The following SCYL2 variants were observed in gnomAD, a reference collection of about 807,000 sequenced individuals.
SCYL2 encodes SCY1 like pseudokinase 2.
In SCYL2, 36 loss-of-function variants were observed where a neutral mutation model predicts 100.4. The ratio of observed to expected loss-of-function variants is 0.36; its 90% CI spans 0.27 to 0.47. The LOEUF (loss-of-function observed/expected upper bound fraction) is 0.47, where lower values mean the gene tolerates loss of function less well. Among genes scored for constraint, SCYL2 ranks in the 20% least tolerant of loss-of-function variants. The probability of loss-of-function intolerance (pLI) is 1.00; values close to 1 mark genes in which losing one functional copy is unlikely to be tolerated. For missense variants in SCYL2, 902 were observed against 1,083.9 expected (o/e 0.83, Z 2.36); for synonymous variants, 330 against 359.2 (o/e 0.92, Z 0.92).
At chr12:100,311,651 T>G (rs544284205) in intron 5 of SCYL2, among the ~76,000 whole-genome samples, 5 of 152,302 alleles carry the variant, frequency 3.3e-5, no homozygotes, top group Admixed American at 3.3e-4. Flanking sequence ...ATAAGTTAAG[T>G]AGGCTCAGAG....
chr12:100,327,403 A>G (rs1235067131), intron 12 of SCYL2, among the ~76,000 whole-genome samples: 1 of 152,246 alleles, frequency 6.6e-6, no homozygotes, highest in Non-Finnish European at 1.5e-5. Flanking sequence ...TTAAAGTTAT[A>G]GAAGTCCAAT....
intron 10 of SCYL2, among the ~76,000 whole-genome samples, chr12:100,322,137 C>T (rs1327426783): frequency 2.6e-5 from 4 of 150,958 alleles, no homozygotes. Context: ...CTTTGGGAGG[C>T]CGAGGCGGGC....
At chr12:100,291,447 TA>T (rs2096310518) in intron 2 of SCYL2, 55 bp from the exon 3 acceptor site, 1 of 1,184,390 alleles carries the variant, frequency 8.4e-7, no homozygotes, top group South Asian at 1.6e-5. Context: ...GACATTCATA[TA>T]ATTTTATTAC....
At chr12:100,327,970 T>C (rs949309395) in intron 12 of SCYL2, among the ~76,000 whole-genome samples, 1 of 152,144 alleles carries the variant, frequency 6.6e-6, no homozygotes, top group Admixed American at 6.6e-5. Context: ...CATGAATCTT[T>C]TGTGCAGAAA....
At chr12:100,320,320 G>A (rs985824319) in intron 10 of SCYL2, among the ~76,000 whole-genome samples, 4 of 151,992 alleles carry the variant, frequency 2.6e-5, no homozygotes, top group African/African-American at 7.3e-5. Context: ...CAAGGCAGGC[G>A]GATCACCTGA....
intron 1 of SCYL2, among the ~76,000 whole-genome samples, chr12:100,282,526 A>C (rs1377477308): frequency 6.6e-6 from 1 of 151,828 alleles, no homozygotes; most frequent in Non-Finnish European, 1.5e-5. Flanking sequence ...GCATTTCACC[A>C]TGTTGGCCAG....
intron 10 of SCYL2, among the ~76,000 whole-genome samples, chr12:100,319,630 G>A (rs1027240010): frequency 1.3e-5 from 2 of 152,076 alleles, no homozygotes; most frequent in Admixed American, 6.5e-5. Flanking sequence ...AGCAGTTCTC[G>A]TGTCTCAGCC....
At chr12:100,304,145 T>C (rs2096331116) in intron 4 of SCYL2, among the ~76,000 whole-genome samples, 2 of 152,178 alleles carry the variant, frequency 1.3e-5, no homozygotes, top group Non-Finnish European at 2.9e-5. Flanking sequence ...TTCAGACTGC[T>C]GTGCTGGCAG....
chr12:100,317,642 G>C (rs955183295), intron 9 of SCYL2, 161 bp from the exon 10 acceptor site: 1 of 1,399,190 alleles, frequency 7.1e-7, no homozygotes, highest in Non-Finnish European at 9.3e-7. Context: ...AGAAATGTAA[G>C]AGACTTGATT....
At chr12:100,294,678 G>T (rs1250632137) in intron 3 of SCYL2, among the ~76,000 whole-genome samples, 9 of 134,334 alleles carry the variant, frequency 6.7e-5, no homozygotes, top group African/African-American at 2.1e-4. Flanking sequence ...CCCGGACGGG[G>T]TGGCTGGCCG....
At chr12:100,337,362 A>AT (rs1952291350) in intron 16 of SCYL2, 25 bp from the exon 17 acceptor site, 4 of 1,599,604 alleles carry the variant, frequency 2.5e-6, no homozygotes, top group Non-Finnish European at 2.5e-6. Context: ...TTGCCGGTTG[A>AT]TTTTTTGCTT....
At chr12:100,320,386 A>G (rs1222980340) in intron 10 of SCYL2, among the ~76,000 whole-genome samples, 1 of 151,992 alleles carries the variant, frequency 6.6e-6, no homozygotes, top group Non-Finnish European at 1.5e-5. Context: ...CTCTACTAAA[A>G]AAATACAAAA....
At chr12:100,295,441 A>G (rs569872581) in intron 3 of SCYL2, among the ~76,000 whole-genome samples, 84 of 152,298 alleles carry the variant, frequency 5.5e-4, no homozygotes, top group South Asian at 1.9e-3. Context: ...TCCGTCTGCA[A>G]TCCCGGCACC....
At position 100,291,554 on chromosome 12, in the gene SCYL2, T is replaced by C; in HGVS notation, c.229T>C (p.Phe77Leu). 1 of 1,589,222 alleles carries C rather than the reference T, an allele frequency of 6.3e-7. No individual in the cohort carries two copies. The highest frequency in any genetic ancestry group is 8.5e-7 in the Non-Finnish European group (1 of 1,172,508). The change falls in exon 3 of 18, where the codon TTT becomes CTT. Residue 77 changes from phenylalanine (F) to leucine (L), a missense_variant. Transcript: ENST00000360820. ...DKKLIDKYQK[F>L]EKDQIIDSLK... ...AAAACTGATTGACAAGTATCAAAAA[T>C]TTGAAAAGGATCAAATCATTGATTC... is the stretch of plus-strand genomic sequence containing the variant.
At chr12:100,330,716 G>A (rs1952198393) in intron 13 of SCYL2, among the ~76,000 whole-genome samples, 1 of 152,150 alleles carries the variant, frequency 6.6e-6, no homozygotes, top group Non-Finnish European at 1.5e-5. Context: ...GGAGAGTGCT[G>A]AGTGAGCAGA....
intron 17 of SCYL2, among the ~76,000 whole-genome samples, chr12:100,338,022 A>G (rs1259079133): frequency 6.6e-6 from 1 of 152,178 alleles, no homozygotes; most frequent in South Asian, 2.1e-4. Context: ...TACTGGTTTC[A>G]GAGATAGCTT....
chr12:100,292,646 A>G (rs1424727333), intron 3 of SCYL2, among the ~76,000 whole-genome samples: 2 of 152,238 alleles, frequency 1.3e-5, no homozygotes, highest in Admixed American at 6.5e-5. Flanking sequence ...ACTATGCTAA[A>G]TGTTTTACAT....
intron 12 of SCYL2, among the ~76,000 whole-genome samples, chr12:100,328,217 G>T (rs965506599): frequency 5.9e-5 from 9 of 152,104 alleles, no homozygotes; most frequent in African/African-American, 1.7e-4. Flanking sequence ...GGTTGAGGCT[G>T]CAGGGACCCA....
intron 1 of SCYL2, among the ~76,000 whole-genome samples, chr12:100,279,304 T>C (rs1230693939): frequency 6.6e-6 from 1 of 152,248 alleles, no homozygotes; most frequent in Non-Finnish European, 1.5e-5. Context: ...TGAGAATCTA[T>C]TGCTGCCACC....
Sources: gnomAD v4.1 joint callset for allele counts (sites outside exome capture counted in the v4.1 genomes callset) on GRCh38, gnomAD v4.1.1 for gene constraint, MANE v1.5 for transcripts, NCBI Gene and HGNC (gene_info 2026-07-23, HGNC 2026-07-21) for gene names.